The following CAVIN3 variants were observed in gnomAD, a reference collection of about 807,000 sequenced individuals.
The protein encoded by CAVIN3 is caveolae associated protein 3, also known as caveolae-associated protein 3.
In CAVIN3, 11 loss-of-function variants were observed where a neutral mutation model predicts 8.2. The observed-to-expected ratio is 1.35, with a 90% confidence interval of 0.85 to 2.23. The LOEUF (loss-of-function observed/expected upper bound fraction) is 2.23. CAVIN3 is among the 30% of genes most tolerant of loss of function. The pLI, the probability that CAVIN3 is intolerant of heterozygous loss-of-function variation, is 0.00. For missense variants in CAVIN3, 401 were observed against 359.5 expected, an observed-to-expected ratio of 1.12 and a Z score of -0.93; for synonymous variants, 191 against 166.3, an observed-to-expected ratio of 1.15 and a Z score of -1.14.
In CAVIN3 at chr11:6,319,270, C is replaced by G; in HGVS notation, c.679G>C (p.Ala227Pro). 1 of 1,608,460 alleles carries G rather than the reference C, an allele frequency of 6.2e-7. No individual in the cohort carries two copies. The highest frequency in any genetic ancestry group is 1.1e-5 in the South Asian group (1 of 90,308). ...SAEAQPEAQP[A>P]LEPTLEPEPP... ...TCTGGCTCCAGCGTGGGCTCCAGCG[C>G]AGGCTGGGCTTCCGGCTGGGCTTCA... The change falls in exon 2 of 2, where the codon GCG becomes CCG. Residue 227 changes from alanine to proline, a missense_variant. By Grantham distance (27) the Ala-to-Pro change is conservative. Coordinates refer to ENST00000303927, the MANE Select transcript of CAVIN3 (RefSeq NM_145040.3).
chr11:6,319,281 T>C lies in CAVIN3; in HGVS notation c.668A>G (p.Glu223Gly). Residue 223 changes from glutamate (E) to glycine (G), a missense_variant, in exon 2 of 2, where the codon GAA becomes GGA. Glu to Gly is a moderately conservative substitution (Grantham distance 98). Coordinates refer to ENST00000303927, the MANE Select transcript of CAVIN3 (RefSeq NM_145040.3). ...CGTGGGCTCCAGCGCAGGCTGGGCT[T>C]CCGGCTGGGCTTCAGCGCTCCGGCC... ...GPGRSAEAQP[E>G]AQPALEPTLE... 1 of 1,609,242 alleles carries C rather than the reference T, an allele frequency of 6.2e-7. No homozygotes were observed. The highest frequency in any genetic ancestry group is 1.1e-5 in the South Asian group (1 of 90,488).
Position 6,320,444 on chromosome 11 carries a change from C to A in CAVIN3, c.33G>T (p.Val11=). 1 of 1,545,570 alleles carries A rather than the reference C, an allele frequency of 6.5e-7. No individual in the cohort carries two copies. Among genetic ancestry groups the A allele is most frequent in the Non-Finnish European group, 8.7e-7 (1 of 1,153,028 alleles). MRESALERGP[V]PEAPAGGPVH... is the part of the protein sequence containing the mutation. Reference sequence around the variant, plus strand: ...CGGGACCCCCCGCCGGCGCCTCGGGCACAGGCCCCCGCTCCAACGCACTCT... The same window carrying A: ...CGGGACCCCCCGCCGGCGCCTCGGGAACAGGCCCCCGCTCCAACGCACTCT... Residue 11 remains valine, a synonymous_variant, in exon 1 of 2, where the codon GTG becomes GTT. Coordinates refer to ENST00000303927, the MANE Select transcript of CAVIN3 (RefSeq NM_145040.3).
chr11:6,319,381 G>A lies in CAVIN3; in HGVS notation c.568C>T (p.Arg190Ter), dbSNP rs141194842. Residue 190 changes from arginine (R) to a stop codon, truncating the protein, a stop_gained, in exon 2 of 2, where the codon CGA becomes TGA. Coordinates refer to ENST00000303927, the MANE Select transcript of CAVIN3 (RefSeq NM_145040.3). LOFTEE classifies it low-confidence loss of function (END_TRUNC). ...RTGLQKVQSLRRALSGRKGPA... is the reference protein window; with the variant it reads ...RTGLQKVQSL ...CCTTTCCGGCCCGAAAGGGCCCTTC[G>A]GAGGCTCTGTACCTTCTGCAATCCG... is the stretch of plus-strand genomic sequence containing the variant. 2.7e-4 allele frequency: 436 copies of A among 1,600,448 alleles called. 4 individuals carry two copies. Among genetic ancestry groups the A allele is most frequent in the African/African-American group, 6.7e-5 (5 of 74,220 alleles).
Position 6,320,329 on chromosome 11 carries a change from G to A in CAVIN3, c.148C>T (p.Gln50Ter). The change falls in exon 1 of 2, where the codon CAG (glutamine) becomes TAG (stop). Residue 50 changes from glutamine (Q) to a stop codon, truncating the protein, a stop_gained. Transcript: ENST00000303927. LOFTEE classifies it high-confidence loss of function. ...RERQGGLARR[Q>*]GGLAGSVRRI... The stretch of plus-strand genomic sequence containing the variant: ...CGCACGGACCCTGCCAGGCCTCCCT[G>A]CCTTCGAGCCAGGCCTCCCTGCCGC... The A allele has an allele frequency of 6.4e-7, 1 of 1,564,034 alleles. No homozygotes were observed. The highest frequency in any genetic ancestry group is 8.6e-7 in the Non-Finnish European group (1 of 1,163,884).
At chr11:6,320,001 G>A in intron 1 of CAVIN3, 92 bp downstream of exon 1, 1 of 1,333,412 alleles carries the variant, frequency 7.5e-7, no homozygotes. Flanking sequence ...CAGGAATGTG[G>A]GTGTGGTAGG....
intron 1 of CAVIN3, 173 bp downstream of exon 1, chr11:6,319,920 A>G (rs1253924877): frequency 2.3e-5 from 18 of 776,614 alleles, no homozygotes; most frequent in Non-Finnish European, 3.6e-5. Flanking sequence ...AGAGGGAGGG[A>G]TGGGGCTGGG....
chr11:6,319,767 G>T (rs1345536664), intron 1 of CAVIN3: 1 of 724,386 alleles, frequency 1.4e-6, no homozygotes, highest in South Asian at 1.6e-5. Context: ...TGAGGGGCGA[G>T]AAGAGGATAG....
chr11:6,319,756 G>C, intron 1 of CAVIN3, 192 bp from the exon 2 acceptor site: 1 of 750,116 alleles, frequency 1.3e-6, no homozygotes, highest in Non-Finnish European at 2.3e-6. Context: ...GTGAGGCCTG[G>C]TGAGGGGCGA....
Position 6,320,215 on chromosome 11 carries a change from C to T in CAVIN3, c.262G>A (p.Val88Met). The T allele has an allele frequency of 6.4e-7, 1 of 1,564,090 alleles. No homozygotes were observed. Among genetic ancestry groups the T allele is most frequent in the South Asian group, 1.1e-5 (1 of 87,194 alleles). Reference sequence around the variant, plus strand: ...TGGGCGGCGTTGGCGTGCGAGCTCACGCGCTCCGCCTTGGCCAGCAGCTGC... The same window carrying T: ...TGGGCGGCGTTGGCGTGCGAGCTCATGCGCTCCGCCTTGGCCAGCAGCTGC... ...LAQLLAKAERVSSHANAAQER... is the reference protein window; with the variant it reads ...LAQLLAKAERMSSHANAAQER... The change falls in exon 1 of 2, where the codon GTG becomes ATG. Residue 88 changes from valine to methionine, a missense_variant. Physicochemically the swap from Val to Met is conservative, Grantham distance 21. Transcript: ENST00000303927.
At position 6,319,295 on chromosome 11, in the gene CAVIN3, A is replaced by T. The variant is rs12570; in HGVS notation, c.654T>A (p.Ala218=). 0.68 allele frequency: 1,096,906 copies of T among 1,608,630 alleles called. 375,733 individuals are homozygous for T. Among genetic ancestry groups the T allele is most frequent in the East Asian group, 0.72 (32,283 of 44,796 alleles). ...CAGGCTGGGCTTCCGGCTGGGCTTCAGCGCTCCGGCCAGGCCCAAGGCGAG... is the reference window on the plus strand; with the variant it reads ...CAGGCTGGGCTTCCGGCTGGGCTTCTGCGCTCCGGCCAGGCCCAAGGCGAG... ...KPPRLGPGRS[A]EAQPEAQPAL... is the part of the protein sequence containing the mutation. Residue 218 remains alanine (A), a synonymous_variant, in exon 2 of 2, where the codon GCT becomes GCA. Coordinates refer to ENST00000303927, the MANE Select transcript of CAVIN3 (RefSeq NM_145040.3).
chr11:6,320,355 TC>T lies in CAVIN3; in HGVS notation c.121del (p.Glu41SerfsTer27). On this transcript the variant is annotated frameshift_variant, in exon 1 of 2. Coordinates refer to ENST00000303927, the MANE Select transcript of CAVIN3 (RefSeq NM_145040.3). LOFTEE classifies it high-confidence loss of function. The part of the protein sequence containing the change: ...KLASMLETLR[E>X]RQGGLARRQG... ...CCTTCGAGCCAGGCCTCCCTGCCGC[TC>T]CCGCAGAGTCTCCAGCATGGAGGCC... The T allele has an allele frequency of 1.3e-6, 2 of 1,582,544 alleles. No individual in the cohort carries two copies. The highest frequency in any genetic ancestry group is 1.7e-6 in the Non-Finnish European group (2 of 1,172,192).
chr11:6,319,020 G>A lies in CAVIN3; in HGVS notation c.*143C>T, dbSNP rs980565036. 9.3e-6 allele frequency: 7 copies of A among 755,674 alleles called. No individual in the cohort carries two copies. Among genetic ancestry groups the A allele is most frequent in the Non-Finnish European group, 1.3e-5 (6 of 479,644 alleles). 46.8% of individuals were successfully genotyped at this position (755,674 alleles called of 1,614,324 possible). Reference sequence around the variant, plus strand: ...ACTGCACCTCTTTCAGAGGACACAGGACTGGGCTTAAGGAAGGGAGGGCCA... The same window carrying A: ...ACTGCACCTCTTTCAGAGGACACAGAACTGGGCTTAAGGAAGGGAGGGCCA... On this transcript the variant is annotated 3_prime_UTR_variant, in exon 2 of 2. Coordinates refer to ENST00000303927, the MANE Select transcript of CAVIN3 (RefSeq NM_145040.3).
rs752461328 is a variant in CAVIN3, at chr11:6,320,254, T to C, written c.223A>G (p.Ser75Gly). 14 of 1,565,118 alleles carry C rather than the reference T, an allele frequency of 8.9e-6. No homozygotes were observed. The South Asian group carries it at 1.6e-4, about 18-fold the overall frequency. Reference sequence around the variant, plus strand: ...GCCAGCAGCTGCGCCAAGGTGTTGCTGGTGGTGTCGTGGCTGCGACTCAGA... The same window carrying C: ...GCCAGCAGCTGCGCCAAGGTGTTGCCGGTGGTGTCGTGGCTGCGACTCAGA... ...GALSRSHDTT[S>G]NTLAQLLAKA... Residue 75 changes from serine to glycine, a missense_variant, in exon 1 of 2, where the codon AGC becomes GGC. Transcript: ENST00000303927.
rs923202821 is a variant in CAVIN3, at chr11:6,318,966, T to A, written c.*197A>T. 2 of 484,946 alleles carry A rather than the reference T, an allele frequency of 4.1e-6. No individual in the cohort carries two copies. The highest frequency in any genetic ancestry group is 7.2e-6 in the Non-Finnish European group (2 of 277,176). The allele number at this position is 484,946 out of a possible 1,614,324, so 30.0% of individuals were successfully genotyped here. A position where few individuals can be genotyped will look rare whatever the true frequency, so the allele number is the denominator to read the frequency against. On this transcript the variant is annotated 3_prime_UTR_variant, in exon 2 of 2. Coordinates refer to ENST00000303927, the MANE Select transcript of CAVIN3 (RefSeq NM_145040.3). ...TCTGGTTCGGGTGAAATTACTTTTA[T>A]TGATGGTGAGCGCAAGCAGGTGTGA...
In CAVIN3 at chr11:6,319,692, GGGAAGGT is replaced by G. The variant is rs1374901874; in HGVS notation, c.385-135_385-129del. 9.2e-6 allele frequency: 11 copies of G among 1,191,950 alleles called. No homozygotes were observed. The African/African-American group carries it at 1.5e-4, about 16-fold the overall frequency. 73.8% of individuals were successfully genotyped at this position (1,191,950 alleles called of 1,614,324 possible). ...AGAGTCTGGGGGGAAAGGCAGGCGT[GGGAAGGT>G]AAGGGGAGGGAAAGCTGCGTGCGAA... On this transcript the variant is annotated intron_variant, in intron 1 of 1. Coordinates refer to ENST00000303927, the MANE Select transcript of CAVIN3 (RefSeq NM_145040.3).
At position 6,320,245 on chromosome 11, in the gene CAVIN3, A is replaced by G; in HGVS notation, c.232T>C (p.Leu78=). The change falls in exon 1 of 2, where the codon TTG becomes CTG. Residue 78 remains leucine (L), a synonymous_variant. Transcript: ENST00000303927. The part of the protein sequence containing the change: ...SRSHDTTSNT[L]AQLLAKAERV... Reference sequence around the variant, plus strand: ...TCCGCCTTGGCCAGCAGCTGCGCCAAGGTGTTGCTGGTGGTGTCGTGGCTG... The same window carrying G: ...TCCGCCTTGGCCAGCAGCTGCGCCAGGGTGTTGCTGGTGGTGTCGTGGCTG... 6.4e-7 allele frequency: 1 copy of G among 1,565,062 alleles called. No individual in the cohort carries two copies. Among genetic ancestry groups the G allele is most frequent in the Non-Finnish European group, 8.6e-7 (1 of 1,162,214 alleles).
intron 1 of CAVIN3, chr11:6,319,856 T>C (rs1443630078): frequency 1.5e-6 from 1 of 665,864 alleles, no homozygotes; most frequent in African/African-American, 1.8e-5. Context: ...TCTGCGGACG[T>C]GGCCTGAGCT....
intron 1 of CAVIN3, chr11:6,319,818 T>C: frequency 1.5e-6 from 1 of 667,468 alleles, no homozygotes; most frequent in South Asian, 1.8e-5. Flanking sequence ...ACCGTTATTT[T>C]AGGGATTGGC....
Position 6,320,486 on chromosome 11 carries a change from C to G in CAVIN3, c.-10G>C, listed in dbSNP as rs531273514. ...ACGCACTCTCCCTCATGATCCCTGA[C>G]CGCTCTGCTCCGTCTGCCTGCAACT... On this transcript the variant is annotated 5_prime_UTR_variant, in exon 1 of 2. Transcript: ENST00000303927. 1 of 1,483,308 alleles carries G rather than the reference C, an allele frequency of 6.7e-7. No homozygotes were observed. Among genetic ancestry groups the G allele is most frequent in the Admixed American group, 2.3e-5 (1 of 42,742 alleles). The allele number at this position is 1,483,308 out of a possible 1,614,324, so 91.9% of individuals were successfully genotyped here.
Sources: allele counts gnomAD v4.1 joint callset, GRCh38; gene constraint gnomAD v4.1.1; transcripts MANE v1.5; gene names NCBI Gene and HGNC (gene_info 2026-07-23, HGNC 2026-07-21).